CAMK2G: variants seen among roughly 807,000 people sequenced by gnomAD.
CAMK2G encodes the protein calcium/calmodulin-dependent protein kinase type II subunit gamma.
Under a neutral mutation model 88.7 loss-of-function variants are expected in CAMK2G, and 23 were observed. The observed-to-expected ratio is 0.26, with a 90% CI of 0.19 to 0.37. The LOEUF is 0.37. CAMK2G is among the 10% of genes least tolerant of loss of function. The pLI, the probability that CAMK2G is intolerant of heterozygous loss-of-function variation, is 1.00. For synonymous variants in CAMK2G, 263 were observed against 294.8 expected (o/e 0.89, Z 1.11); for missense variants, 476 against 780.8 (o/e 0.61, Z 4.65).
intron 19 of CAMK2G, chr10:73,818,996 A>G (rs1005049044): frequency 1.1e-5 from 4 of 359,700 alleles, no homozygotes; most frequent in African/African-American, 8.5e-5. Context: ...GGTGCGTGCC[A>G]TTTTATTTCC....
rs571537510 is a variant in CAMK2G, at chr10:73,842,992, G to C, written c.820-451C>G. On this transcript the variant is annotated intron_variant, in intron 10 of 22. Transcript: ENST00000423381. This position sits in a 1 kb window ranked among gnomAD's most constrained non-coding sequence, Gnocchi z 4.6. ...AAGAGCCCCTCTCCACACACCCCCA[G>C]CAAGGTCCTGAATGAAGCCATGATC... 3.5e-3 allele frequency among the ~76,000 whole-genome samples: 540 copies of C among 152,142 alleles called. 2 individuals are homozygous for C. The highest frequency in any genetic ancestry group is 0.013 in the African/African-American group (521 of 41,522).
chr10:73,821,826 G>T, intron 17 of CAMK2G, 96 bp from the exon 18 acceptor site: 1 of 960,146 alleles, frequency 1.0e-6, no homozygotes. Flanking sequence ...CCTACAAGAG[G>T]TGCAAGGAGG....
intron 5 of CAMK2G, among the ~76,000 whole-genome samples, chr10:73,850,073 G>A (rs1027170670): frequency 2.0e-5 from 3 of 152,122 alleles, no homozygotes; most frequent in Admixed American, 6.5e-5. Context: ...ACAGCTCACC[G>A]CAGCCTTGAC....
chr10:73,856,406 A>G lies in CAMK2G; in HGVS notation c.221-3160T>C, dbSNP rs114471524. On this transcript the variant is annotated intron_variant, in intron 3 of 22. Coordinates refer to ENST00000423381, the MANE Select transcript of CAMK2G (RefSeq NM_001367534.1). The stretch of plus-strand genomic sequence containing the variant: ...CAATCTGTCCCCACTACCTGTGGCC[A>G]TTCTGACTGGCTCGACAATGTCCAC... Among the ~76,000 whole-genome samples, 1,262 of 152,334 alleles carry G rather than the reference A, an allele frequency of 8.3e-3. 16 individuals are homozygous for G. Among genetic ancestry groups the G allele is most frequent in the African/African-American group, 0.029 (1,202 of 41,572 alleles).
chr10:73,815,955 C>G (rs2085319033), intron 21 of CAMK2G: 2 of 985,182 alleles, frequency 2.0e-6, no homozygotes, highest in African/African-American at 1.7e-5. Context: ...CTTCCTAGTA[C>G]TAATATAAAC....
intron 10 of CAMK2G, among the ~76,000 whole-genome samples, chr10:73,845,793 T>C (rs559896468): frequency 6.6e-6 from 1 of 152,082 alleles, no homozygotes; most frequent in South Asian, 2.1e-4. Context: ...CCCCCATCCT[T>C]ACCCTCTGCT....
chr10:73,871,136 A>G (rs571368237), intron 2 of CAMK2G, among the ~76,000 whole-genome samples: 1 of 152,046 alleles, frequency 6.6e-6, no homozygotes, highest in Admixed American at 6.6e-5. Flanking sequence ...TGAAGCATAT[A>G]CTTTTACACA....
intron 5 of CAMK2G, 56 bp downstream of exon 5, chr10:73,852,198 C>T (rs1428167802): frequency 3.5e-6 from 5 of 1,424,162 alleles, no homozygotes; most frequent in African/African-American, 2.8e-5. Context: ...GTGGCCAAGA[C>T]TTCCTTCAGT....
rs527784198 is a variant in CAMK2G at position 73,834,306 on chromosome 10, G to A, written c.1053+3162C>T. On this transcript the variant is annotated intron_variant, in intron 14 of 22. Coordinates refer to ENST00000423381, the MANE Select transcript of CAMK2G (RefSeq NM_001367534.1). ...CCCATCACAACGGCTGCGAATACGC[G>A]GTTGGCCTTTTAATTTTGGGTGATC... Among the ~76,000 whole-genome samples, 5 of 152,266 alleles carry A rather than the reference G, an allele frequency of 3.3e-5. No homozygotes were observed. In the South Asian group the frequency reaches 8.3e-4, roughly 25 times the overall value.
intron 17 of CAMK2G, among the ~76,000 whole-genome samples, chr10:73,822,493 C>T (rs1163569669): frequency 6.6e-6 from 1 of 152,156 alleles, no homozygotes; most frequent in Non-Finnish European, 1.5e-5. Context: ...GATCATGAGG[C>T]CAGAGTGGTG....
chr10:73,819,147 T>TA (rs1159377779), intron 19 of CAMK2G, among the ~76,000 whole-genome samples: 2 of 152,106 alleles, frequency 1.3e-5, no homozygotes, highest in Admixed American at 1.3e-4. Context: ...CAGGAAGCAC[T>TA]ACATCCCCAA....
At position 73,853,046 on chromosome 10, in the gene CAMK2G, C is replaced by A. The variant is rs1590951449; in HGVS notation, c.275+146G>T. On this transcript the variant is annotated intron_variant, in intron 4 of 22. Coordinates refer to ENST00000423381, the MANE Select transcript of CAMK2G (RefSeq NM_001367534.1). Reference sequence around the variant, plus strand: ...ATGGAGACCCCCTTGGTGGGGGCAGCAATCTGCCCCAGTCAAATCCTTTCC... The same window carrying A: ...ATGGAGACCCCCTTGGTGGGGGCAGAAATCTGCCCCAGTCAAATCCTTTCC... 11 of 720,118 alleles carry A rather than the reference C, an allele frequency of 1.5e-5. No individual in the cohort carries two copies. The East Asian group carries it at 1.9e-4, about 12-fold the overall frequency. The allele number at this position is 720,118 out of a possible 1,614,324, so 44.6% of individuals were successfully genotyped here.
At chr10:73,844,121 C>T (rs1396734521) in intron 10 of CAMK2G, among the ~76,000 whole-genome samples, 1 of 151,010 alleles carries the variant, frequency 6.6e-6, no homozygotes, top group African/African-American at 2.4e-5. Flanking sequence ...GAAACAGCAT[C>T]TCACTCTGTT....
chr10:73,847,977 C>G lies in CAMK2G; in HGVS notation c.696+11G>C. ...CTTCCTGGCCTGGCTGCCCGGCTCT[C>G]TGGTCCTTACATCATAGGCTCCAGC... is the stretch of plus-strand genomic sequence containing the variant. On this transcript the variant is annotated intron_variant, in intron 9 of 22. Coordinates refer to ENST00000423381, the MANE Select transcript of CAMK2G (RefSeq NM_001367534.1). The G allele has an allele frequency of 1.3e-6, 2 of 1,567,596 alleles. No individual in the cohort carries two copies. The highest frequency in any genetic ancestry group is 4.5e-5 in the East Asian group (2 of 44,650).
At chr10:73,873,967 C>T (rs994448510) in intron 1 of CAMK2G, among the ~76,000 whole-genome samples, 18 of 150,736 alleles carry the variant, frequency 1.2e-4, no homozygotes, top group Middle Eastern at 3.5e-3. Context: ...CGCCAAACAG[C>T]CCCCCCACGC....
chr10:73,864,746 C>T (rs955150131), intron 2 of CAMK2G, among the ~76,000 whole-genome samples: 8 of 152,034 alleles, frequency 5.3e-5, no homozygotes, highest in African/African-American at 1.7e-4. Flanking sequence ...AGGTTCACGC[C>T]CTTCTCCTGC....
At chr10:73,874,224 A>C (rs1487823765) in intron 1 of CAMK2G, among the ~76,000 whole-genome samples, 173 bp downstream of exon 1, 1 of 111,246 alleles carries the variant, frequency 9.0e-6, no homozygotes, top group East Asian at 3.1e-4. Flanking sequence ...GCGGAGGGGG[A>C]TGCGGGGCAG....
intron 15 of CAMK2G, among the ~76,000 whole-genome samples, chr10:73,827,608 G>T: frequency 6.6e-6 from 1 of 152,180 alleles, no homozygotes; most frequent in Non-Finnish European, 1.5e-5. Flanking sequence ...AAACCACTGG[G>T]CACAGCTAGA....
At position 73,819,528 on chromosome 10, in the gene CAMK2G, T is replaced by G; in HGVS notation, c.1363+4A>C. 1.3e-6 allele frequency: 2 copies of G among 1,540,598 alleles called. No individual in the cohort carries two copies. Among genetic ancestry groups the G allele is most frequent in the South Asian group, 2.4e-5 (2 of 83,818 alleles). ...AAGCCAGAATGTGCCTCCCTCACAC[T>G]TACTGGCTGAGGAGCAGAGAGAAGG... On this transcript the variant is annotated splice_donor_region_variant and intron_variant, in intron 19 of 22. Coordinates refer to ENST00000423381, the MANE Select transcript of CAMK2G (RefSeq NM_001367534.1).
Sources: allele counts gnomAD v4.1 joint callset (sites outside exome capture counted in the v4.1 genomes callset), GRCh38; gene constraint gnomAD v4.1.1; non-coding constraint Gnocchi (gnomAD v3.1); transcripts MANE v1.5; gene names NCBI Gene and HGNC (gene_info 2026-07-23, HGNC 2026-07-21).